MCM3AP: variants seen among roughly 807,000 people sequenced by gnomAD.
The protein encoded by MCM3AP is minichromosome maintenance complex component 3 associated protein, also known as germinal-center associated nuclear protein.
MCM3AP carries 126 observed loss-of-function variants against 184.1 expected under a neutral mutation model. The observed-to-expected ratio is 0.68, with a 90% CI of 0.59 to 0.79. The LOEUF is 0.79. Among genes scored for constraint, MCM3AP ranks in the 30% least tolerant of loss-of-function variants. The probability of loss-of-function intolerance (pLI) is 0.00; values close to 1 mark genes in which losing one functional copy is unlikely to be tolerated. For missense variants in MCM3AP, 2,496 were observed against 2,479.2 expected, an observed-to-expected ratio of 1.01 and a Z score of -0.14; for synonymous variants, 1,002 against 979.3, an observed-to-expected ratio of 1.02 and a Z score of -0.43.
intron 25 of MCM3AP, chr21:46,242,163 C>G (rs1316056396): frequency 3.3e-5 from 5 of 152,582 alleles, no homozygotes; most frequent in Non-Finnish European, 7.3e-5. Context: ...GCCTGTCTAT[C>G]CCACATCCCT....
intron 17 of MCM3AP, among the ~76,000 whole-genome samples, chr21:46,255,235 G>A (rs2080932043): frequency 6.8e-6 from 1 of 148,044 alleles, no homozygotes; most frequent in African/African-American, 2.6e-5. Context: ...AAGGAAACAG[G>A]GGGAGCCAGC....
At position 46,254,006 on chromosome 21, in the gene MCM3AP, T is replaced by C. The variant is rs549089594; in HGVS notation, c.4136+386A>G. On this transcript the variant is annotated intron_variant, in intron 19 of 27. Transcript: ENST00000291688. ...GTGGCATCTCCCCCTTCTCTCTCTCTTCCTCCTGCTTTGGCCATGTAAGAC... is the reference window on the plus strand; with the variant it reads ...GTGGCATCTCCCCCTTCTCTCTCTCCTCCTCCTGCTTTGGCCATGTAAGAC... 193 of 253,436 alleles carry C rather than the reference T, an allele frequency of 7.6e-4. 1 individual carries two copies. Among genetic ancestry groups the C allele is most frequent in the African/African-American group, 4.1e-3 (182 of 44,638 alleles). 15.7% of individuals were successfully genotyped at this position (253,436 alleles called of 1,614,324 possible).
rs1304675665 is a variant in MCM3AP, at chr21:46,243,673, G to T, written c.5088C>A (p.Ile1696=). 1.9e-6 allele frequency: 3 copies of T among 1,614,206 alleles called. No homozygotes were observed. The East Asian group carries it at 6.7e-5, about 36-fold the overall frequency. Residue 1696 remains isoleucine (I), a synonymous_variant, in exon 24 of 28, where the codon ATC becomes ATA. Transcript: ENST00000291688. ...CSMVVQYASQ[I]PSSRQTQPVL... The stretch of plus-strand genomic sequence containing the variant: ...CAGGCTGTGTCTGGCGTGAGCTGGG[G>T]ATCTGGGAGGCGTACTGGACAACCA...
At chr21:46,243,031 A>C in intron 24 of MCM3AP, 100 bp from the exon 25 acceptor site, 1 of 1,133,082 alleles carries the variant, frequency 8.8e-7, no homozygotes. Context: ...AGGTACAAAT[A>C]ATATTTAAAC....
intron 8 of MCM3AP, among the ~76,000 whole-genome samples, chr21:46,270,798 T>C (rs754318705): frequency 5.9e-5 from 9 of 152,120 alleles, no homozygotes; most frequent in Non-Finnish European, 1.3e-4. Context: ...AGCAAGACCC[T>C]GTCTCAAGTA....
intron 10 of MCM3AP, 68 bp from the exon 11 acceptor site, chr21:46,266,234 C>G: frequency 6.7e-7 from 1 of 1,494,020 alleles, no homozygotes; most frequent in South Asian, 1.4e-5. Context: ...CCTCAGTGCC[C>G]TGCCGAGTAC....
intron 5 of MCM3AP, among the ~76,000 whole-genome samples, chr21:46,276,264 G>GA (rs751873210): frequency 2.6e-3 from 331 of 129,794 alleles, no homozygotes; most frequent in African/African-American, 7.4e-3. Context: ...CCATCTCGAG[G>GA]AAAAAAAAAA....
chr21:46,261,479 A>C, intron 13 of MCM3AP, 68 bp from the exon 14 acceptor site: 1 of 1,469,052 alleles, frequency 6.8e-7, no homozygotes. Context: ...TCACGCCTGT[A>C]ATCCCAGCAC....
chr21:46,284,289 CG>C lies in MCM3AP; in HGVS notation c.997del (p.Arg333GlyfsTer20), dbSNP rs2081371772. On this transcript the variant is annotated frameshift_variant, in exon 1 of 28. Transcript: ENST00000291688. LOFTEE classifies it high-confidence loss of function. Reference protein sequence around the residue: ...DKRPVRLNRPRGGTLFGRTIQ... With the variant: ...DKRPVRLNRPXGGTLFGRTIQ... ...CGTCCGACCAAATAAAGTACCTCCC[CG>C]GGGTCGATTCAGGCGGACAGGTCGT... is the stretch of plus-strand genomic sequence containing the variant. 6.2e-7 allele frequency: 1 copy of C among 1,614,196 alleles called. No individual in the cohort carries two copies. Among genetic ancestry groups the C allele is most frequent in the Non-Finnish European group, 8.5e-7 (1 of 1,180,042 alleles).
chr21:46,249,717 T>C, intron 20 of MCM3AP: 1 of 400,002 alleles, frequency 2.5e-6, no homozygotes, highest in South Asian at 1.9e-5. Context: ...ATGGCAACAC[T>C]GAGCAAGCAC....
At chr21:46,242,985 C>T in intron 24 of MCM3AP, 54 bp from the exon 25 acceptor site, 1 of 1,020,176 alleles carries the variant, frequency 9.8e-7, no homozygotes, top group Non-Finnish European at 1.3e-6. Context: ...AACCCTGTCT[C>T]AAAAAAAAAA....
At chr21:46,261,546 A>G (rs1292648753) in intron 13 of MCM3AP, 135 bp from the exon 14 acceptor site, 4 of 724,520 alleles carry the variant, frequency 5.5e-6, no homozygotes, top group South Asian at 3.3e-5. Context: ...CATTCTGGCC[A>G]ACACAGTGAA....
At chr21:46,261,225 T>A in intron 14 of MCM3AP, 55 bp downstream of exon 14, 1 of 1,606,182 alleles carries the variant, frequency 6.2e-7, no homozygotes, top group East Asian at 2.2e-5. Context: ...GGGTCAGTTC[T>A]TGCCTGTGTC....
At position 46,254,538 on chromosome 21, in the gene MCM3AP, A is replaced by T; in HGVS notation, c.4002-12T>A. The T allele has an allele frequency of 1.2e-6, 2 of 1,613,928 alleles. No individual in the cohort carries two copies. The highest frequency in any genetic ancestry group is 2.2e-5 in the South Asian group (2 of 91,080). The stretch of plus-strand genomic sequence containing the variant: ...CCCATGCCACATCACTGGGAGGAAC[A>T]GACCACCGTGGATTAGCCAGTGTGT... On this transcript the variant is annotated splice_polypyrimidine_tract_variant and intron_variant, in intron 18 of 27. Transcript: ENST00000291688.
Position 46,243,499 on chromosome 21 carries a change from T to G in MCM3AP, c.5262A>C (p.Arg1754Ser), listed in dbSNP as rs755274750. 1.1e-5 allele frequency: 17 copies of G among 1,613,350 alleles called. No individual in the cohort carries two copies. The East Asian group carries it at 3.3e-4, about 32-fold the overall frequency. The change falls in exon 24 of 28, where the codon AGA becomes AGC. Residue 1754 changes from arginine to serine, a missense_variant. Coordinates refer to ENST00000291688, the MANE Select transcript of MCM3AP (RefSeq NM_003906.5). ...CAGGAAGCCGGGGGGGCGTCCAGTC[T>G]CTCAGCTTGTGGTTGATACACAAGG... Reference protein sequence around the residue: ...LIALCINHKLRDWTPPRLPVT... With the variant: ...LIALCINHKLSDWTPPRLPVT...
intron 17 of MCM3AP, among the ~76,000 whole-genome samples, chr21:46,255,178 T>C (rs926238806): frequency 2.0e-5 from 3 of 152,046 alleles, no homozygotes; most frequent in Non-Finnish European, 4.4e-5. Context: ...AGGGTGCGTG[T>C]TGCAGTCTCA....
chr21:46,246,980 G>A (rs977937703), intron 20 of MCM3AP, 94 bp from the exon 21 acceptor site: 36 of 1,340,820 alleles, frequency 2.7e-5, no homozygotes, highest in Admixed American at 9.0e-5. Flanking sequence ...AAAGCTCTCC[G>A]TGCACTAAAT....
At chr21:46,276,076 A>C (rs1329041603) in intron 5 of MCM3AP, among the ~76,000 whole-genome samples, 2 of 152,182 alleles carry the variant, frequency 1.3e-5, no homozygotes, top group East Asian at 3.9e-4. Flanking sequence ...ACATGGAGAA[A>C]CCCCATCTCT....
chr21:46,246,704 G>C lies in MCM3AP; in HGVS notation c.4473C>G (p.Pro1491=). The C allele has an allele frequency of 1.2e-6, 2 of 1,614,226 alleles. No individual in the cohort carries two copies. The highest frequency in any genetic ancestry group is 2.7e-5 in the African/African-American group (2 of 75,064). ...LQLKQLLQAK[P]FQPALPLVVL... ...CCACCAGAGGAAGCGCAGGCTGGAA[G>C]GGCTTAGCCTGCAGGAGCTGCTTGA... The change falls in exon 21 of 28, where the codon CCC becomes CCG. Residue 1491 remains proline (P), a synonymous_variant. Transcript: ENST00000291688.
Sources: allele counts gnomAD v4.1 joint callset (sites outside exome capture counted in the v4.1 genomes callset), GRCh38; gene constraint gnomAD v4.1.1; transcripts MANE v1.5; gene names NCBI Gene and HGNC (gene_info 2026-07-23, HGNC 2026-07-21).